RTKN2: variants seen among roughly 807,000 people sequenced by gnomAD.
RTKN2 encodes the protein rhotekin-2.
RTKN2 carries 69 observed loss-of-function variants against 71.5 expected under a neutral mutation model. The ratio of observed to expected loss-of-function variants is 0.96; its 90% CI spans 0.79 to 1.18. RTKN2 has a LOEUF of 1.18. RTKN2 is among the 50% of genes most tolerant of loss of function. The pLI, the probability that RTKN2 is intolerant of heterozygous loss-of-function variation, is 0.00. For missense variants in RTKN2, 724 were observed against 719.7 expected (o/e 1.01, Z -0.07); for synonymous variants, 236 against 236.5 (o/e 1.00, Z 0.02).
chr10:62,192,988 A>G (rs1455472912), downstream of RTKN2, among the ~76,000 whole-genome samples: 1 of 152,174 alleles, frequency 6.6e-6, no homozygotes, highest in African/African-American at 2.4e-5. Flanking sequence ...TATATTTTAT[A>G]TACATAAAAC....
intron 2 of RTKN2, among the ~76,000 whole-genome samples, chr10:62,258,464 C>T (rs182966089): frequency 6.8e-4 from 103 of 152,292 alleles, no homozygotes; most frequent in Admixed American, 1.0e-3. Flanking sequence ...CCTCATTTCT[C>T]TAATAAAAGC....
At chr10:62,214,882 AT>A (rs1184686775) in intron 9 of RTKN2, 1 of 463,462 alleles carries the variant, frequency 2.2e-6, no homozygotes, top group Non-Finnish European at 3.8e-6. Context: ...ATTTTTATCT[AT>A]TTTTTCCTAC....
chr10:62,221,746 A>C (rs1218013461), intron 7 of RTKN2, among the ~76,000 whole-genome samples: 1 of 152,188 alleles, frequency 6.6e-6, no homozygotes, highest in African/African-American at 2.4e-5. Flanking sequence ...ACAAATAATT[A>C]GCAAATATGG....
At chr10:62,185,396 T>C (rs1381186131) in intron 8 of RTKN2, among the ~76,000 whole-genome samples, 1 of 152,034 alleles carries the variant, frequency 6.6e-6, no homozygotes. Flanking sequence ...AGTGGGCAGA[T>C]CATGAGGTCA....
chr10:62,223,178 T>C (rs1589355237), intron 7 of RTKN2, 60 bp downstream of exon 7: 1 of 934,350 alleles, frequency 1.1e-6, no homozygotes, highest in Non-Finnish European at 1.7e-6. Flanking sequence ...GAGGGGAACA[T>C]ACTATAATTA....
intron 6 of RTKN2, 105 bp from the exon 7 acceptor site, chr10:62,223,437 TAAGCA>T (rs1189830309): frequency 7.2e-6 from 5 of 690,802 alleles, no homozygotes; most frequent in Non-Finnish European, 1.3e-5. Flanking sequence ...GATTTAAAGA[TAAGCA>T]AAGGACGTGA....
chr10:62,239,339 T>G, intron 5 of RTKN2: 1 of 188,498 alleles, frequency 5.3e-6, no homozygotes, highest in Non-Finnish European at 1.1e-5. Context: ...GATATTCTGT[T>G]GTATGCATAG....
At position 62,217,252 on chromosome 10, in the gene RTKN2, G is replaced by GAAAA; in HGVS notation, c.889-7_889-4dup. ...CTAATCAGACCTTCTACCATTTGCT[G>GAAAA]AAAAAAAAAAAAAAAAAATCAAGAG... On this transcript the variant is annotated splice_region_variant and splice_polypyrimidine_tract_variant and intron_variant, in intron 8 of 11. Coordinates refer to ENST00000373789, the MANE Select transcript of RTKN2 (RefSeq NM_145307.4). The GAAAA allele has an allele frequency of 3.0e-5, 39 of 1,287,126 alleles. No homozygotes were observed. The highest frequency in any genetic ancestry group is 2.5e-4 in the South Asian group (15 of 60,450). The allele number at this position is 1,287,126 out of a possible 1,614,324, so 79.7% of individuals were successfully genotyped here. A position where few individuals can be genotyped will look rare whatever the true frequency, so the allele number is the denominator to read the frequency against.
At chr10:62,203,084 C>T (rs1048347566) in intron 10 of RTKN2, among the ~76,000 whole-genome samples, 8 of 152,020 alleles carry the variant, frequency 5.3e-5, no homozygotes, top group East Asian at 1.9e-4. Context: ...CACTTGAACC[C>T]GGGAGGCAGA....
At chr10:62,243,118 T>C (rs1419420513) in intron 3 of RTKN2, among the ~76,000 whole-genome samples, 2 of 143,612 alleles carry the variant, frequency 1.4e-5, no homozygotes, top group African/African-American at 2.6e-5. Context: ...TATCTCCTAA[T>C]GCTATCCCTC....
rs377402357 is a variant in RTKN2, at chr10:62,203,117, G to A, written c.1186+1740C>T. On this transcript the variant is annotated intron_variant, in intron 10 of 11. Transcript: ENST00000373789. Reference sequence around the variant, plus strand: ...AGAGGTTGCGGTGAGCCAAGATTGCGCCATTGCACTCCAGCCTGGGCAAGA... The same window carrying A: ...AGAGGTTGCGGTGAGCCAAGATTGCACCATTGCACTCCAGCCTGGGCAAGA... 2.1e-4 allele frequency among the ~76,000 whole-genome samples: 32 copies of A among 152,072 alleles called. 1 individual carries two copies. The highest frequency in any genetic ancestry group is 4.1e-4 in the African/African-American group (17 of 41,508).
intron 9 of RTKN2, among the ~76,000 whole-genome samples, chr10:62,214,853 T>C (rs980918449): frequency 7.2e-5 from 11 of 152,056 alleles, no homozygotes; most frequent in African/African-American, 2.4e-4. Flanking sequence ...TATGAGGAAA[T>C]AGCAAAAACA....
At chr10:62,231,737 G>A (rs1842153495) in intron 6 of RTKN2, among the ~76,000 whole-genome samples, 1 of 151,932 alleles carries the variant, frequency 6.6e-6, no homozygotes, top group African/African-American at 2.4e-5. Context: ...ACTCTTGTCA[G>A]GAAGAACGGC....
At position 62,195,128 on chromosome 10, in the gene RTKN2, T is replaced by C. The variant is rs1028386300; in HGVS notation, c.*2780A>G. The C allele has an allele frequency of 1.0e-6, 1 of 980,072 alleles. No individual in the cohort carries two copies. Among genetic ancestry groups the C allele is most frequent in the Non-Finnish European group, 1.2e-6 (1 of 825,086 alleles). 60.7% of individuals were successfully genotyped at this position (980,072 alleles called of 1,614,324 possible). A position where few individuals can be genotyped will look rare whatever the true frequency, so the allele number is the denominator to read the frequency against. Reference sequence around the variant, plus strand: ...CTTAATGCTGACTACGTAATTTATATCCCAGAGCTTGAAATGTAAAGGTAA... The same window carrying C: ...CTTAATGCTGACTACGTAATTTATACCCCAGAGCTTGAAATGTAAAGGTAA... On this transcript the variant is annotated 3_prime_UTR_variant, in exon 12 of 12. Coordinates refer to ENST00000373789, the MANE Select transcript of RTKN2 (RefSeq NM_145307.4).
chr10:62,236,645 A>G (rs925388529), intron 5 of RTKN2, among the ~76,000 whole-genome samples: 1 of 152,062 alleles, frequency 6.6e-6, no homozygotes, highest in African/African-American at 2.4e-5. Context: ...TCATTGCAGC[A>G]TTATTCACAA....
chr10:62,190,452 C>T (rs1386746141), downstream of RTKN2, among the ~76,000 whole-genome samples: 1 of 152,056 alleles, frequency 6.6e-6, no homozygotes, highest in Non-Finnish European at 1.5e-5. Flanking sequence ...AAACATAAAA[C>T]AGATAAACTT....
chr10:62,224,316 A>G (rs1275132665), intron 6 of RTKN2, among the ~76,000 whole-genome samples: 1 of 129,074 alleles, frequency 7.7e-6, no homozygotes, highest in Non-Finnish European at 1.6e-5. Flanking sequence ...ATGTATATTC[A>G]AGAATGCTTT....
At chr10:62,186,399 T>C (rs1000963863) in intron 8 of RTKN2, among the ~76,000 whole-genome samples, 4 of 152,198 alleles carry the variant, frequency 2.6e-5, no homozygotes, top group African/African-American at 7.2e-5. Flanking sequence ...GGGAACCTTA[T>C]CTCGTTTTGA....
chr10:62,223,216 G>T (rs941717694), intron 7 of RTKN2, 22 bp downstream of exon 7: 2 of 1,345,424 alleles, frequency 1.5e-6, no homozygotes, highest in Non-Finnish European at 2.1e-6. Flanking sequence ...TATGTAATAA[G>T]TAAAATATAT....
Sources: gnomAD v4.1 joint callset for allele counts (sites outside exome capture counted in the v4.1 genomes callset) on GRCh38, gnomAD v4.1.1 for gene constraint, MANE v1.5 for transcripts, NCBI Gene and HGNC (gene_info 2026-07-23, HGNC 2026-07-21) for gene names.